CACNB4: variants seen among roughly 807,000 people sequenced by gnomAD.
The protein encoded by CACNB4 is calcium voltage-gated channel auxiliary subunit beta 4.
CACNB4 carries 32 observed loss-of-function variants against 71.2 expected under a neutral mutation model. The ratio of observed to expected loss-of-function variants is 0.45; its 90% CI spans 0.34 to 0.60. The LOEUF (loss-of-function observed/expected upper bound fraction) is 0.60. Among genes scored for constraint, CACNB4 ranks in the 20% least tolerant of loss-of-function variants. CACNB4 has a pLI of 0.01. For synonymous variants in CACNB4, 231 were observed against 236.9 expected, an observed-to-expected ratio of 0.97 and a Z score of 0.23; for missense variants, 464 against 647.9, an observed-to-expected ratio of 0.72 and a Z score of 3.08.
At chr2:151,885,341 A>C (rs1046201615) in intron 2 of CACNB4, among the ~76,000 whole-genome samples, 2 of 152,226 alleles carry the variant, frequency 1.3e-5, no homozygotes, top group African/African-American at 2.4e-5. Flanking sequence ...AGCATGGGCT[A>C]GATGTTTTGG....
rs555275129 is a variant in CACNB4, at chr2:151,959,040, G to A, written c.148-75670C>T. On this transcript the variant is annotated intron_variant, in intron 2 of 13. Coordinates refer to ENST00000539935, the MANE Select transcript of CACNB4 (RefSeq NM_000726.5). ...GGTCCAATAATTCCTTGGAGTCTAAGGACCTCGAGGAAGGCCCAATCAGTA... is the reference window on the plus strand; with the variant it reads ...GGTCCAATAATTCCTTGGAGTCTAAAGACCTCGAGGAAGGCCCAATCAGTA... 7.9e-5 allele frequency among the ~76,000 whole-genome samples: 12 copies of A among 152,280 alleles called. No homozygotes were observed. In the East Asian group the frequency reaches 1.9e-3, roughly 24 times the overall value.
intron 2 of CACNB4, among the ~76,000 whole-genome samples, chr2:151,924,966 T>C (rs997096580): frequency 2.0e-5 from 3 of 152,230 alleles, no homozygotes; most frequent in African/African-American, 7.2e-5. Flanking sequence ...ACAGAGCTGA[T>C]AATTCCATTT....
chr2:151,959,402 G>A (rs1488491637), intron 2 of CACNB4, among the ~76,000 whole-genome samples: 1 of 152,150 alleles, frequency 6.6e-6, no homozygotes, highest in Non-Finnish European at 1.5e-5. Flanking sequence ...GGTGTCCCAT[G>A]CGTACCCTTC....
chr2:151,920,498 T>C (rs931684528), intron 2 of CACNB4, among the ~76,000 whole-genome samples: 4 of 151,818 alleles, frequency 2.6e-5, no homozygotes, highest in African/African-American at 4.8e-5. Context: ...AATTTTTGTA[T>C]CTCATTTATT....
Position 152,086,751 on chromosome 2 carries a change from T to C in CACNB4, c.147+11579A>G, listed in dbSNP as rs77074005. 2.6e-3 allele frequency among the ~76,000 whole-genome samples: 403 copies of C among 152,292 alleles called. 10 individuals carry two copies. In the East Asian group the frequency reaches 0.063, roughly 24 times the overall value. ...CTTTAATCCTGTCGATCACATCCTA[T>C]TATAAAAACCACCCCCCTCTATAGA... On this transcript the variant is annotated intron_variant, in intron 2 of 13. Coordinates refer to ENST00000539935, the MANE Select transcript of CACNB4 (RefSeq NM_000726.5).
intron 2 of CACNB4, among the ~76,000 whole-genome samples, chr2:152,089,857 C>T (rs1687873177): frequency 6.6e-6 from 1 of 152,040 alleles, no homozygotes; most frequent in African/African-American, 2.4e-5. Flanking sequence ...GGGAGGATCC[C>T]GTGAGCACAG....
chr2:152,023,110 G>C (rs948343076), intron 2 of CACNB4, among the ~76,000 whole-genome samples: 1 of 151,698 alleles, frequency 6.6e-6, no homozygotes, highest in Non-Finnish European at 1.5e-5. Context: ...GGGTCCATGA[G>C]GGGGTGAGAG....
intron 2 of CACNB4, among the ~76,000 whole-genome samples, chr2:151,958,803 G>A (rs552508254): frequency 2.2e-4 from 34 of 152,198 alleles, no homozygotes; most frequent in African/African-American, 7.5e-4. Flanking sequence ...ATGCACAGCT[G>A]ATCAAACCAC....
At chr2:152,084,145 C>T (rs191619019) in intron 2 of CACNB4, among the ~76,000 whole-genome samples, 4 of 152,172 alleles carry the variant, frequency 2.6e-5, no homozygotes, top group East Asian at 1.9e-4. Context: ...AGGTGCAGTT[C>T]GGGGCAGAGG....
intron 2 of CACNB4, among the ~76,000 whole-genome samples, chr2:151,909,442 G>GA (rs2099855629): frequency 2.7e-5 from 1 of 37,100 alleles, no homozygotes; most frequent in Non-Finnish European, 4.7e-5. Flanking sequence ...TCTCAGGGAG[G>GA]AAAAAAACAA....
intron 2 of CACNB4, among the ~76,000 whole-genome samples, chr2:151,937,253 T>C (rs1476069673): frequency 6.6e-6 from 1 of 152,190 alleles, no homozygotes; most frequent in East Asian, 1.9e-4. Context: ...AATCCCCCTC[T>C]CCATCAAATC....
intron 2 of CACNB4, among the ~76,000 whole-genome samples, chr2:152,011,736 A>AG (rs1401258572): frequency 5.3e-5 from 8 of 152,210 alleles, no homozygotes; most frequent in Non-Finnish European, 1.0e-4. Context: ...GGGTGACTCC[A>AG]GGGCAGGTTC....
intron 2 of CACNB4, among the ~76,000 whole-genome samples, chr2:151,891,281 C>G (rs2099850659): frequency 6.6e-6 from 1 of 152,068 alleles, no homozygotes; most frequent in Non-Finnish European, 1.5e-5. Context: ...TTAATTGACC[C>G]CACAAGTACA....
At position 152,098,295 on chromosome 2, in the gene CACNB4, C is replaced by T. The variant is rs1176116299; in HGVS notation, c.147+35G>A. ...GACCCCCGCGCCGCGCGCTCGGCCT[C>T]CTCCCCATCCTGGTCTCCCGCCTCC... On this transcript the variant is annotated intron_variant, in intron 2 of 13. Coordinates refer to ENST00000539935, the MANE Select transcript of CACNB4 (RefSeq NM_000726.5). The surrounding 1 kb of genome is among the most constrained non-coding windows in gnomAD (Gnocchi z 5.3). 2 of 1,562,166 alleles carry T rather than the reference C, an allele frequency of 1.3e-6. No individual in the cohort carries two copies. Among genetic ancestry groups the T allele is most frequent in the Non-Finnish European group, 1.8e-6 (2 of 1,133,138 alleles).
At chr2:152,090,883 T>C (rs1687932060) in intron 2 of CACNB4, among the ~76,000 whole-genome samples, 1 of 151,190 alleles carries the variant, frequency 6.6e-6, no homozygotes, top group Non-Finnish European at 1.5e-5. Context: ...CAATCTCTAC[T>C]AAAAATAGAA....
At chr2:151,934,430 G>A (rs948577650) in intron 2 of CACNB4, among the ~76,000 whole-genome samples, 16 of 152,334 alleles carry the variant, frequency 1.1e-4, no homozygotes, top group Non-Finnish European at 1.0e-4. Context: ...TACTGTTCTA[G>A]GTGCTTAACA....
intron 2 of CACNB4, among the ~76,000 whole-genome samples, chr2:151,959,199 T>C (rs1434382894): frequency 6.6e-6 from 1 of 152,230 alleles, no homozygotes; most frequent in Non-Finnish European, 1.5e-5. Flanking sequence ...AGCCAGAGCC[T>C]GCTGAATGTC....
chr2:152,002,393 T>C (rs1682477505), intron 2 of CACNB4, among the ~76,000 whole-genome samples: 1 of 152,210 alleles, frequency 6.6e-6, no homozygotes, highest in Non-Finnish European at 1.5e-5. Context: ...AAATCAAAGA[T>C]GTATCTGTGT....
chr2:151,848,030 C>T (rs2099838050), intron 12 of CACNB4, among the ~76,000 whole-genome samples: 1 of 152,164 alleles, frequency 6.6e-6, no homozygotes, highest in Non-Finnish European at 1.5e-5. Context: ...TAATTTGTGA[C>T]ACTTGATGTG....
Sources: allele counts gnomAD v4.1 joint callset (sites outside exome capture counted in the v4.1 genomes callset), GRCh38; gene constraint gnomAD v4.1.1; non-coding constraint Gnocchi (gnomAD v3.1); transcripts MANE v1.5; gene names NCBI Gene and HGNC (gene_info 2026-07-23, HGNC 2026-07-21).